CREB5: variants seen among roughly 807,000 people sequenced by gnomAD.
CREB5 encodes the protein cAMP responsive element binding protein 5.
Under a neutral mutation model 57.1 loss-of-function variants are expected in CREB5, and 19 were observed. The ratio of observed to expected loss-of-function variants is 0.33; its 90% CI spans 0.23 to 0.49. The LOEUF is 0.49. Ranked by LOEUF, CREB5 falls within the 20% of genes least tolerant of loss-of-function variation. The pLI, the probability that CREB5 is intolerant of heterozygous loss-of-function variation, is 0.99. For synonymous variants in CREB5, 238 were observed against 238.3 expected, an observed-to-expected ratio of 1.00 and a Z score of 0.01; for missense variants, 579 against 671.6, an observed-to-expected ratio of 0.86 and a Z score of 1.52.
intron 7 of CREB5, among the ~76,000 whole-genome samples, chr7:28,737,485 TTC>T (rs142651748): frequency 0.098 from 13,195 of 135,160 alleles, 885 homozygotes; most frequent in Non-Finnish European, 0.14. Context: ...ACATAGTAAT[TTC>T]TCTCTCTCTC....
chr7:28,563,928 C>T (rs1795380588), intron 4 of CREB5, among the ~76,000 whole-genome samples: 2 of 152,288 alleles, frequency 1.3e-5, no homozygotes, highest in Middle Eastern at 3.4e-3. Context: ...TCACTACCCC[C>T]TTGGTCATGG....
chr7:28,370,746 A>G (rs1474311547), intron 1 of CREB5, among the ~76,000 whole-genome samples: 1 of 152,212 alleles, frequency 6.6e-6, no homozygotes, highest in East Asian at 1.9e-4. Context: ...AGTTGCAGTA[A>G]CAGAATTTCA....
At position 28,357,230 on chromosome 7, in the gene CREB5, A is replaced by G. The variant is rs534797381; in HGVS notation, c.-25+57789A>G. Among the ~76,000 whole-genome samples the G allele has an allele frequency of 9.8e-5, 15 of 152,342 alleles. No individual in the cohort carries two copies. In the South Asian group the frequency reaches 2.7e-3, roughly 27 times the overall value. On this transcript the variant is annotated intron_variant, in intron 1 of 9. Coordinates refer to the CREB5 transcript ENST00000396299. ...TGCTGATGTCCAAATTCTACAGCAC[A>G]TCTTTCTTCAGCATGGATCTAGATT...
chr7:28,303,658 A>G lies in CREB5; in HGVS notation c.-25+4217A>G, dbSNP rs1583655600. 4.6e-5 allele frequency among the ~76,000 whole-genome samples: 7 copies of G among 152,372 alleles called. No homozygotes were observed. In the South Asian group the frequency reaches 1.4e-3, roughly 32 times the overall value. ...GGACCTTCTATGAGGCAGTAAAATA[A>G]TAGGATTGATATAAATATCTAGTTT... On this transcript the variant is annotated intron_variant, in intron 1 of 9. Transcript: ENST00000396299.
chr7:28,509,667 G>A (rs968109468), intron 4 of CREB5, among the ~76,000 whole-genome samples: 6 of 151,972 alleles, frequency 3.9e-5, no homozygotes, highest in Non-Finnish European at 5.9e-5. Flanking sequence ...CTTGTGGGTT[G>A]AAAAAGAGTA....
Position 28,315,956 on chromosome 7 carries a change from G to T in CREB5, c.-25+16515G>T, listed in dbSNP as rs528804285. On this transcript the variant is annotated intron_variant, in intron 1 of 9. Transcript: ENST00000396299. ...GTGATTTTCAAGGAGACAGGTCCTGGTTTTTTTTACCTGCCAACCACATTT... is the reference window on the plus strand; with the variant it reads ...GTGATTTTCAAGGAGACAGGTCCTGTTTTTTTTTACCTGCCAACCACATTT... 2.6e-5 allele frequency among the ~76,000 whole-genome samples: 4 copies of T among 152,138 alleles called. 1 individual carries two copies. In the South Asian group the frequency reaches 8.3e-4, roughly 32 times the overall value.
At chr7:28,337,069 A>T (rs1219140874) in intron 1 of CREB5, among the ~76,000 whole-genome samples, 1 of 152,068 alleles carries the variant, frequency 6.6e-6, no homozygotes, top group Admixed American at 6.6e-5. Flanking sequence ...ACTTGATATT[A>T]TTTCAATATT....
At chr7:28,472,368 T>C (rs1195483624) in intron 1 of CREB5, among the ~76,000 whole-genome samples, 2 of 152,198 alleles carry the variant, frequency 1.3e-5, no homozygotes, top group African/African-American at 2.4e-5. Flanking sequence ...TATATGCTCA[T>C]TTAATCCTCA....
At chr7:28,758,624 T>G (rs752856275) in intron 7 of CREB5, among the ~76,000 whole-genome samples, 2 of 152,214 alleles carry the variant, frequency 1.3e-5, no homozygotes, top group African/African-American at 2.4e-5. Flanking sequence ...CCCAGCCACT[T>G]AGAGCAGTAA....
chr7:28,800,102 T>C (rs543775557), intron 7 of CREB5, among the ~76,000 whole-genome samples: 1 of 152,306 alleles, frequency 6.6e-6, no homozygotes, highest in Admixed American at 6.5e-5. Context: ...TTGATGAATA[T>C]TAATTAAATA....
chr7:28,358,971 C>A (rs1251079595), intron 1 of CREB5, among the ~76,000 whole-genome samples: 4 of 152,092 alleles, frequency 2.6e-5, no homozygotes, highest in South Asian at 2.1e-4. Flanking sequence ...CTTTCTTTTC[C>A]CCTCTCCTTT....
intron 1 of CREB5, among the ~76,000 whole-genome samples, chr7:28,444,460 G>C (rs1789336125): frequency 1.3e-5 from 2 of 152,180 alleles, no homozygotes; most frequent in Admixed American, 6.5e-5. Flanking sequence ...TGAAGAGGTT[G>C]GTGGCTGGAA....
intron 5 of CREB5, among the ~76,000 whole-genome samples, chr7:28,677,494 C>A (rs1212286563): frequency 1.3e-5 from 2 of 152,170 alleles, no homozygotes; most frequent in East Asian, 3.8e-4. Context: ...GATTGAGATT[C>A]ATGTCTTCGT....
At chr7:28,579,251 A>G (rs1288349783) in intron 5 of CREB5, among the ~76,000 whole-genome samples, 2 of 152,220 alleles carry the variant, frequency 1.3e-5, no homozygotes, top group Admixed American at 6.5e-5. Flanking sequence ...CTCACACCCT[A>G]CAACAACACT....
At chr7:28,643,756 G>GCA (rs1478078632) in intron 5 of CREB5, among the ~76,000 whole-genome samples, 6 of 82,164 alleles carry the variant, frequency 7.3e-5, no homozygotes, top group Non-Finnish European at 1.2e-4. Flanking sequence ...GGAGGTGGGG[G>GCA]GGGGCGGAAG....
intron 5 of CREB5, among the ~76,000 whole-genome samples, chr7:28,671,158 G>C (rs1432516555): frequency 1.3e-5 from 2 of 151,974 alleles, no homozygotes; most frequent in African/African-American, 2.4e-5. Flanking sequence ...GGGAGGCTGA[G>C]GTGGGGAGGA....
chr7:28,575,612 C>T (rs1039774325), intron 5 of CREB5, among the ~76,000 whole-genome samples: 3 of 152,224 alleles, frequency 2.0e-5, no homozygotes, highest in African/African-American at 7.2e-5. Context: ...CCCGGCTTGT[C>T]ACTGGTCCTC....
At chr7:28,333,460 C>A (rs975354600) in intron 1 of CREB5, among the ~76,000 whole-genome samples, 1 of 152,114 alleles carries the variant, frequency 6.6e-6, no homozygotes, top group African/African-American at 2.4e-5. Context: ...GACGTAGTCA[C>A]CTTGCTGTGC....
chr7:28,563,112 T>G (rs1795343070), intron 4 of CREB5, among the ~76,000 whole-genome samples: 1 of 152,150 alleles, frequency 6.6e-6, no homozygotes, highest in Non-Finnish European at 1.5e-5. Context: ...ATGATAAGAG[T>G]TAAATGAGTT....
Sources: gnomAD v4.1 joint callset for allele counts (sites outside exome capture counted in the v4.1 genomes callset) on GRCh38, gnomAD v4.1.1 for gene constraint, MANE v1.5 for transcripts, NCBI Gene and HGNC (gene_info 2026-07-23, HGNC 2026-07-21) for gene names.